The following ZRANB1 variants were observed in gnomAD, a reference collection of about 807,000 sequenced individuals.
The protein encoded by ZRANB1 is ubiquitin thioesterase ZRANB1.
ZRANB1 carries 16 observed loss-of-function variants against 80.5 expected under a neutral mutation model. The ratio of observed to expected loss-of-function variants is 0.20; its 90% CI spans 0.13 to 0.30. The LOEUF (loss-of-function observed/expected upper bound fraction) is 0.30. Among genes scored for constraint, ZRANB1 ranks in the 10% least tolerant of loss-of-function variants. ZRANB1 has a pLI of 1.00. For missense variants in ZRANB1, 576 were observed against 862.6 expected (o/e 0.67, Z 4.16); for synonymous variants, 291 against 293.1 (o/e 0.99, Z 0.07).
intron 1 of ZRANB1, among the ~76,000 whole-genome samples, chr10:124,958,010 G>A (rs915406361): frequency 2.0e-5 from 3 of 152,182 alleles, no homozygotes; most frequent in Non-Finnish European, 2.9e-5. Context: ...GATTACAGGC[G>A]TGAGCCACTG....
rs58255988 is a variant in ZRANB1, at chr10:124,986,291, GCACACACACACA to G, written c.*1320_*1331del. Reference sequence around the variant, plus strand: ...AGACGACACACGCACGCGCGCGCGCGCACACACACACACACACACACACACACACACAGTTTT... The same window carrying G: ...AGACGACACACGCACGCGCGCGCGCGCACACACACACACACACACAGTTTT... On this transcript the variant is annotated 3_prime_UTR_variant, in exon 9 of 9. Coordinates refer to ENST00000359653, the MANE Select transcript of ZRANB1 (RefSeq NM_017580.3). 1 of 116,020 alleles carries G rather than the reference GCACACACACACA, an allele frequency of 8.6e-6. No individual in the cohort carries two copies. Among genetic ancestry groups the G allele is most frequent in the Admixed American group, 8.3e-5 (1 of 12,064 alleles). 7.2% of individuals were successfully genotyped at this position (116,020 alleles called of 1,614,324 possible).
chr10:124,966,279 AC>A (rs940355533), intron 1 of ZRANB1, among the ~76,000 whole-genome samples: 3 of 152,020 alleles, frequency 2.0e-5, no homozygotes, highest in Admixed American at 2.0e-4. Context: ...GTCTCTTGTT[AC>A]GTCTGGTTTC....
chr10:124,983,721 A>T lies in ZRANB1; in HGVS notation c.1908+33A>T. ...GTTTCTCCTATGAACTATTTCTAGTAGTGACCTTGTACCAGAAACAGCCTG... is the reference window on the plus strand; with the variant it reads ...GTTTCTCCTATGAACTATTTCTAGTTGTGACCTTGTACCAGAAACAGCCTG... On this transcript the variant is annotated intron_variant, in intron 8 of 8. Transcript: ENST00000359653. This position sits in a 1 kb window ranked among gnomAD's most constrained non-coding sequence, Gnocchi z 6.2. The T allele has an allele frequency of 2.6e-6, 4 of 1,509,462 alleles. No individual in the cohort carries two copies. The highest frequency in any genetic ancestry group is 1.4e-5 in the African/African-American group (1 of 72,470). The allele number at this position is 1,509,462 out of a possible 1,614,324, so 93.5% of individuals were successfully genotyped here.
At chr10:124,967,025 T>G (rs1951782799) in intron 2 of ZRANB1, among the ~76,000 whole-genome samples, 1 of 152,244 alleles carries the variant, frequency 6.6e-6, no homozygotes, top group Non-Finnish European at 1.5e-5. Flanking sequence ...GGGATGTATC[T>G]GTCATTCTTT....
chr10:124,931,478 C>A, the ZRANB1 span, among the ~76,000 whole-genome samples: 1 of 152,272 alleles, frequency 6.6e-6, no homozygotes, highest in Non-Finnish European at 1.5e-5. Flanking sequence ...TCAAGTGATT[C>A]TCCTGCCTCA....
At position 124,968,265 on chromosome 10, in the gene ZRANB1, A is replaced by C. The variant is rs186900450; in HGVS notation, c.1002+1484A>C. 7.2e-5 allele frequency among the ~76,000 whole-genome samples: 11 copies of C among 152,352 alleles called. No individual in the cohort carries two copies. The East Asian group carries it at 1.5e-3, about 21-fold the overall frequency. The stretch of plus-strand genomic sequence containing the variant: ...AGAGAGTCATATTAATTGTGGATTC[A>C]AATTTTGTCAGTATACATCTTTCAT... On this transcript the variant is annotated intron_variant, in intron 2 of 8. Transcript: ENST00000359653.
At chr10:124,945,160 G>A (rs1215685501) in intron 1 of ZRANB1, 2 of 152,184 alleles carry the variant, frequency 1.3e-5, no homozygotes, top group East Asian at 3.8e-4. Context: ...TTCACATTGT[G>A]TAACCACTAC....
chr10:124,973,666 C>A lies in ZRANB1; in HGVS notation c.1178C>A (p.Thr393Lys). ...GTAGATATTGAAGATTTGCCCCCAA[C>A]AGTCCAAGAAAAATTATTTGATGAG... ...LPADIEDLPP[T>K]VQEKLFDEVL... Residue 393 changes from threonine (T) to lysine (K), a missense_variant, in exon 4 of 9, where the codon ACA (threonine) becomes AAA (lysine). This residue lies in a region of ZRANB1 where 411 missense variants were observed against 583.1 expected (regional missense o/e 0.70). Transcript: ENST00000359653. The A allele has an allele frequency of 6.2e-7, 1 of 1,612,522 alleles. No homozygotes were observed. The highest frequency in any genetic ancestry group is 8.5e-7 in the Non-Finnish European group (1 of 1,179,578).
rs1162426707 is a variant in ZRANB1, at chr10:124,988,079, A to C, written c.*3087A>C. 1 of 151,104 alleles carries C rather than the reference A, an allele frequency of 6.6e-6. No individual in the cohort carries two copies. Among genetic ancestry groups the C allele is most frequent in the African/African-American group, 2.4e-5 (1 of 40,856 alleles). The allele number at this position is 151,104 out of a possible 1,614,324, so 9.4% of individuals were successfully genotyped here. On this transcript the variant is annotated 3_prime_UTR_variant, in exon 9 of 9. Transcript: ENST00000359653. Reference sequence around the variant, plus strand: ...AGTTGAGCAACTTTGTTTTTTTTTGAATTGATTTAGCACTAACCCACCATT... The same window carrying C: ...AGTTGAGCAACTTTGTTTTTTTTTGCATTGATTTAGCACTAACCCACCATT...
chr10:124,943,618 A>G lies in ZRANB1; in HGVS notation c.814+311A>G, dbSNP rs1175281525. Among the ~76,000 whole-genome samples, 4 of 152,354 alleles carry G rather than the reference A, an allele frequency of 2.6e-5. No homozygotes were observed. In the South Asian group the frequency reaches 6.2e-4, roughly 24 times the overall value. On this transcript the variant is annotated intron_variant, in intron 1 of 8. Coordinates refer to ENST00000359653, the MANE Select transcript of ZRANB1 (RefSeq NM_017580.3). ...TAGCTGTACTTTCAAGTATGCATAC[A>G]TAAAAATTTGTGTATTTGTGATCTT...
chr10:124,920,086 C>G, the ZRANB1 span, among the ~76,000 whole-genome samples: 1 of 151,790 alleles, frequency 6.6e-6, no homozygotes, highest in Non-Finnish European at 1.5e-5. Flanking sequence ...CCACGCCTGG[C>G]TAATTTTTGT....
the ZRANB1 span, among the ~76,000 whole-genome samples, chr10:124,932,346 GT>G: frequency 5.6e-5 from 8 of 143,360 alleles, no homozygotes; most frequent in Admixed American, 3.7e-4. Flanking sequence ...CTGGAGTGTA[GT>G]GGTGCGTTCT....
chr10:124,979,213 A>G (rs1393249335), intron 5 of ZRANB1, among the ~76,000 whole-genome samples: 1 of 152,198 alleles, frequency 6.6e-6, no homozygotes, highest in African/African-American at 2.4e-5. Context: ...TTCTAGCCTC[A>G]GCCTCCCAGT....
chr10:124,929,765 G>C, the ZRANB1 span, among the ~76,000 whole-genome samples: 2 of 151,852 alleles, frequency 1.3e-5, no homozygotes, highest in African/African-American at 4.8e-5. Context: ...GGCCAACATA[G>C]TGAAACCCTG....
intron 1 of ZRANB1, among the ~76,000 whole-genome samples, chr10:124,952,376 C>T (rs905327412): frequency 6.6e-6 from 1 of 152,120 alleles, no homozygotes; most frequent in African/African-American, 2.4e-5. Flanking sequence ...TTGCAGGGCC[C>T]TGAGGCAAGG....
At chr10:124,969,487 CAGG>C (rs777293490) in intron 2 of ZRANB1, among the ~76,000 whole-genome samples, 30 of 152,094 alleles carry the variant, frequency 2.0e-4, no homozygotes, top group Admixed American at 5.2e-4. Flanking sequence ...GGAATGAGAA[CAGG>C]AGAACATTAG....
At chr10:124,973,493 G>A (rs963340) in intron 3 of ZRANB1, 152 bp from the exon 4 acceptor site, 620,371 of 636,370 alleles carry the variant, frequency 0.97, 302,756 homozygotes, top group Non-Finnish European at 0.99. Flanking sequence ...ATGTTACACT[G>A]GTATATTAAG....
At chr10:124,948,204 A>C (rs558248066) in intron 1 of ZRANB1, among the ~76,000 whole-genome samples, 150 of 152,112 alleles carry the variant, frequency 9.9e-4, no homozygotes, top group Admixed American at 2.6e-3. Context: ...CTTTGACTTA[A>C]TGAGTTGGTA....
At position 124,952,800 on chromosome 10, in the gene ZRANB1, G is replaced by A. The variant is rs1344149631; in HGVS notation, c.814+9493G>A. The stretch of plus-strand genomic sequence containing the variant: ...TAATTTTTGTATTTTTAGTAGAGAC[G>A]GGTTTCACCATGTTGGCCAGGCTAG... On this transcript the variant is annotated intron_variant, in intron 1 of 8. Transcript: ENST00000359653. Among the ~76,000 whole-genome samples, 3 of 151,986 alleles carry A rather than the reference G, an allele frequency of 2.0e-5. No homozygotes were observed. The East Asian group carries it at 5.8e-4, about 29-fold the overall frequency.
Sources: allele counts gnomAD v4.1 joint callset (sites outside exome capture counted in the v4.1 genomes callset), GRCh38; gene constraint gnomAD v4.1.1; regional missense constraint gnomAD v4.1.1; non-coding constraint Gnocchi (gnomAD v3.1); transcripts MANE v1.5; gene names NCBI Gene and HGNC (gene_info 2026-07-23, HGNC 2026-07-21).